The following AMPD1 variants were observed in gnomAD, a reference collection of about 807,000 sequenced individuals.
AMPD1 encodes the protein adenosine monophosphate deaminase 1.
AMPD1 carries 74 observed loss-of-function variants against 82.9 expected under a neutral mutation model. That is an observed-to-expected ratio of 0.89 (90% confidence interval 0.74 to 1.08). The LOEUF (loss-of-function observed/expected upper bound fraction) is 1.08. AMPD1 is among the 50% of genes least tolerant of loss of function. The pLI is 0.00. For synonymous variants in AMPD1, 333 were observed against 320.5 expected (o/e 1.04, Z -0.42); for missense variants, 881 against 924.5 (o/e 0.95, Z 0.61).
intron 2 of AMPD1, among the ~76,000 whole-genome samples, chr1:114,690,213 T>C (rs1658472669): frequency 6.6e-6 from 1 of 152,210 alleles, no homozygotes; most frequent in African/African-American, 2.4e-5. Context: ...TTCCATTTCT[T>C]AATCTGTAAA....
At chr1:114,677,814 C>CTTCA (rs1239882791) in intron 9 of AMPD1, 96 bp downstream of exon 9, 1 of 967,762 alleles carries the variant, frequency 1.0e-6, no homozygotes, top group African/African-American at 1.7e-5. Flanking sequence ...TCCTTCCTTC[C>CTTCA]TTCCTTCCTT....
intron 5 of AMPD1, among the ~76,000 whole-genome samples, chr1:114,681,978 C>G (rs1340232181): frequency 6.6e-6 from 1 of 152,164 alleles, no homozygotes; most frequent in Non-Finnish European, 1.5e-5. Context: ...AAAGCACATA[C>G]AATTTCTGCT....
At position 114,675,896 on chromosome 1, in the gene AMPD1, A is replaced by G; in HGVS notation, c.1496T>C (p.Leu499Pro). 6.2e-7 allele frequency: 1 copy of G among 1,614,220 alleles called. No homozygotes were observed. Among genetic ancestry groups the G allele is most frequent in the Non-Finnish European group, 8.5e-7 (1 of 1,180,034 alleles). Residue 499 changes from leucine to proline, a missense_variant, in exon 11 of 16, where the codon CTC (leucine) becomes CCC (proline). Around this residue, in one of 2 missense-constraint regions of AMPD1, gnomAD observed 783 missense variants for 786.4 expected, o/e 1.00. Transcript: ENST00000520113. ...ATINPQADPE[L>P]SVFLKHITGF... ...GCTTACATGCTTGAGGAAGACACTGAGTTCTGGGTCAGCCTGGGGGTTGAT... is the reference window on the plus strand; with the variant it reads ...GCTTACATGCTTGAGGAAGACACTGGGTTCTGGGTCAGCCTGGGGGTTGAT...
chr1:114,682,691 G>A (rs1290593763), intron 5 of AMPD1, among the ~76,000 whole-genome samples: 1 of 151,784 alleles, frequency 6.6e-6, no homozygotes, highest in Non-Finnish European at 1.5e-5. Context: ...CCATTCTCCT[G>A]CCTCAGCCTC....
In AMPD1 at chr1:114,673,840, CT is replaced by C. The variant is rs1657902691; in HGVS notation, c.1974+68del. ...AAAATAATGAAATACCTTTATTTGACTTTCAAATTCTGGACGGGAAACAACA... is the reference window on the plus strand; with the variant it reads ...AAAATAATGAAATACCTTTATTTGACTTCAAATTCTGGACGGGAAACAACA... On this transcript the variant is annotated intron_variant, in intron 14 of 15. Transcript: ENST00000520113. The C allele has an allele frequency of 3.1e-6, 5 of 1,589,018 alleles. No homozygotes were observed. The East Asian group carries it at 1.1e-4, about 36-fold the overall frequency.
rs545166360 is a variant in AMPD1 at position 114,678,131 on chromosome 1, G to T, written c.1093-90C>A. On this transcript the variant is annotated intron_variant, in intron 8 of 15. Coordinates refer to ENST00000520113, the MANE Select transcript of AMPD1 (RefSeq NM_000036.3). Reference sequence around the variant, plus strand: ...AAATAGTCAAGCAGAACTGGGGTCTGGTAGTGGGGGAGGGCATTGGGCTCC... The same window carrying T: ...AAATAGTCAAGCAGAACTGGGGTCTTGTAGTGGGGGAGGGCATTGGGCTCC... 282 of 1,558,020 alleles carry T rather than the reference G, an allele frequency of 1.8e-4. 2 individuals are homozygous for T. The Middle Eastern group carries it at 2.7e-3, about 15-fold the overall frequency.
intron 15 of AMPD1, among the ~76,000 whole-genome samples, 169 bp downstream of exon 15, chr1:114,673,470 C>T (rs536006329): frequency 6.6e-5 from 10 of 152,260 alleles, no homozygotes; most frequent in African/African-American, 2.4e-4. Flanking sequence ...ACTTCCCTGG[C>T]CCAAAAGGCA....
intron 13 of AMPD1, 40 bp downstream of exon 13, chr1:114,674,712 A>T (rs2101710931): frequency 6.2e-7 from 1 of 1,603,194 alleles, no homozygotes; most frequent in Middle Eastern, 1.7e-4. Context: ...AGATTCCTCT[A>T]GCTCCAATGT....
intron 4 of AMPD1, among the ~76,000 whole-genome samples, chr1:114,685,997 A>G (rs778744290): frequency 2.0e-4 from 31 of 152,174 alleles, no homozygotes; most frequent in East Asian, 1.9e-4. Context: ...ACGGCTGCAC[A>G]GCAGTTTCAC....
Position 114,688,440 on chromosome 1 carries a change from A to G in AMPD1, c.215+121T>C. 1.7e-6 allele frequency: 2 copies of G among 1,204,842 alleles called. 1 individual carries two copies. Among genetic ancestry groups the G allele is most frequent in the South Asian group, 2.5e-5 (2 of 80,472 alleles). The allele number at this position is 1,204,842 out of a possible 1,614,324, so 74.6% of individuals were successfully genotyped here. A position where few individuals can be genotyped will look rare whatever the true frequency, so the allele number is the denominator to read the frequency against. The stretch of plus-strand genomic sequence containing the variant: ...ACTGTGCCCAGTCTTAGGAATTGCT[A>G]ACTCTGGCAGAGTTCTTCCTCTGAG... On this transcript the variant is annotated intron_variant, in intron 3 of 15. Transcript: ENST00000520113.
At position 114,677,958 on chromosome 1, in the gene AMPD1, C is replaced by G; in HGVS notation, c.1176G>C (p.Leu392Phe). 1 of 1,613,930 alleles carries G rather than the reference C, an allele frequency of 6.2e-7. No homozygotes were observed. Among genetic ancestry groups the G allele is most frequent in the African/African-American group, 1.3e-5 (1 of 74,946 alleles). ...CCCCATTAATGTAATTGTCTGTCTT[C>G]AAGTAGAGGTCCCGTAGCTCACTTG... ...VGASELRDLYLKTDNYINGEY... is the reference protein window; with the variant it reads ...VGASELRDLYFKTDNYINGEY... The change falls in exon 9 of 16, where the codon TTG (leucine) becomes TTC (phenylalanine). Residue 392 changes from leucine (L) to phenylalanine (F), a missense_variant. Physicochemically the swap from Leu to Phe is conservative, Grantham distance 22 (BLOSUM62 0). Coordinates refer to ENST00000520113, the MANE Select transcript of AMPD1 (RefSeq NM_000036.3).
At chr1:114,691,470 A>G (rs989535657) in intron 2 of AMPD1, among the ~76,000 whole-genome samples, 20 of 151,804 alleles carry the variant, frequency 1.3e-4, no homozygotes, top group Non-Finnish European at 2.4e-4. Context: ...CAGGAGACTG[A>G]GGTGGGAGGA....
At position 114,678,449 on chromosome 1, in the gene AMPD1, C is replaced by A. The variant is rs1296933937; in HGVS notation, c.976G>T (p.Asp326Tyr). ...LRFIKKSYQI[D>Y]ADRVVYSTKE... The stretch of plus-strand genomic sequence containing the variant: ...GTGCTATAGACCACTCTGTCAGCAT[C>A]AATTTGGTAAGATTTCTTAATAAAA... The change falls in exon 8 of 16, where the codon GAT (aspartate) becomes TAT (tyrosine). Residue 326 changes from aspartate (D) to tyrosine (Y), a missense_variant. Physicochemically the swap from Asp to Tyr is radical, Grantham distance 160 (BLOSUM62 -3). Transcript: ENST00000520113. The A allele has an allele frequency of 6.2e-7, 1 of 1,614,184 alleles. No homozygotes were observed. The highest frequency in any genetic ancestry group is 1.6e-4 in the Middle Eastern group (1 of 6,062).
At chr1:114,684,720 G>A (rs917934836) in intron 4 of AMPD1, among the ~76,000 whole-genome samples, 3 of 152,134 alleles carry the variant, frequency 2.0e-5, no homozygotes, top group African/African-American at 7.2e-5. Flanking sequence ...CTAAGTACGT[G>A]TGAACATTTT....
At chr1:114,682,830 G>A (rs931777730) in intron 5 of AMPD1, among the ~76,000 whole-genome samples, 33 of 152,076 alleles carry the variant, frequency 2.2e-4, no homozygotes, top group Admixed American at 1.4e-3. Context: ...CGCCCGCCTT[G>A]GCCTCCCAAA....
intron 15 of AMPD1, 129 bp from the exon 16 acceptor site, chr1:114,673,401 T>C (rs1352062501): frequency 1.8e-6 from 2 of 1,134,070 alleles, no homozygotes; most frequent in African/African-American, 3.1e-5. Flanking sequence ...AATAGACCAT[T>C]AAAAGCACCC....
Position 114,674,844 on chromosome 1 carries a change from G to T in AMPD1, c.1708C>A (p.Arg570=), listed in dbSNP as rs377185948. The T allele has an allele frequency of 1.2e-6, 2 of 1,613,942 alleles. No homozygotes were observed. The highest frequency in any genetic ancestry group is 1.7e-6 in the Non-Finnish European group (2 of 1,179,972). ...GCTCCAGCTTCTCCACAGTGAGGTC[G>T]GAACAGAAACGTATTCATGCCTCGT... ...KERGMNTFLF[R]PHCGEAGALT... The change falls in exon 13 of 16, where the codon CGA becomes AGA. Residue 570 remains arginine (R), a synonymous_variant. Coordinates refer to ENST00000520113, the MANE Select transcript of AMPD1 (RefSeq NM_000036.3).
At chr1:114,681,153 A>G (rs1018573337) in intron 5 of AMPD1, among the ~76,000 whole-genome samples, 2 of 152,200 alleles carry the variant, frequency 1.3e-5, no homozygotes, top group African/African-American at 2.4e-5. Context: ...TAACATAAGA[A>G]TAAAAGTCAA....
At position 114,687,193 on chromosome 1, in the gene AMPD1, A is replaced by T. The variant is rs75919038; in HGVS notation, c.216-283T>A. The stretch of plus-strand genomic sequence containing the variant: ...TCCCAGGCAGTCCACTCCCAGCAGA[A>T]TAGGCAGTCTAGGAACTACAGAAAA... On this transcript the variant is annotated intron_variant, in intron 3 of 15. Transcript: ENST00000520113. 3.9e-4 allele frequency among the ~76,000 whole-genome samples: 59 copies of T among 152,190 alleles called. No homozygotes were observed. In the East Asian group the frequency reaches 0.011, roughly 28 times the overall value.
Sources: gnomAD v4.1 joint callset for allele counts (sites outside exome capture counted in the v4.1 genomes callset) on GRCh38, gnomAD v4.1.1 for gene constraint, gnomAD v4.1.1 regional missense constraint, MANE v1.5 for transcripts, NCBI Gene and HGNC (gene_info 2026-07-23, HGNC 2026-07-21) for gene names.